The following ZNF721 variants were observed in gnomAD, a reference collection of about 807,000 sequenced individuals.
The protein encoded by ZNF721 is zinc finger protein 721.
ZNF721 carries 2 observed loss-of-function variants against 2.4 expected under a neutral mutation model. The ratio of observed to expected loss-of-function variants is 0.82; its 90% CI spans 0.34 to 2.58. The LOEUF is 2.58. Ranked by LOEUF, ZNF721 falls within the 30% of genes most tolerant of loss-of-function variation. The pLI is 0.11. For missense variants in ZNF721, 1,187 were observed against 1,085.5 expected (o/e 1.09, Z -1.31); for synonymous variants, 398 against 381.8 (o/e 1.04, Z -0.50).
In ZNF721 at chr4:462,109, T is replaced by C. The variant is rs559804249; in HGVS notation, c.34+10466A>G. ...AAATCACAACATTCCTATATACCAATAATAGACAAACAGAGAGCCAAATCA... is the reference window on the plus strand; with the variant it reads ...AAATCACAACATTCCTATATACCAACAATAGACAAACAGAGAGCCAAATCA... On this transcript the variant is annotated intron_variant, in intron 2 of 2. Transcript: ENST00000511833. Among the ~76,000 whole-genome samples the C allele has an allele frequency of 1.4e-4, 22 of 152,140 alleles. 1 individual carries two copies. The highest frequency in any genetic ancestry group is 5.1e-4 in the African/African-American group (21 of 41,492).
chr4:466,368 TC>T, intron 2 of ZNF721, among the ~76,000 whole-genome samples: 1 of 152,320 alleles, frequency 6.6e-6, no homozygotes, highest in East Asian at 1.9e-4. Flanking sequence ...ATTTAAGAAA[TC>T]AAACTCCCCA....
chr4:454,421 A>G (rs1449614806), intron 2 of ZNF721, among the ~76,000 whole-genome samples: 5 of 152,236 alleles, frequency 3.3e-5, no homozygotes, highest in Non-Finnish European at 5.9e-5. Context: ...GAATTTGCTC[A>G]GCTGTGTACT....
intron 2 of ZNF721, among the ~76,000 whole-genome samples, chr4:449,159 C>T (rs1296565818): frequency 1.3e-5 from 2 of 151,938 alleles, no homozygotes; most frequent in African/African-American, 4.8e-5. Flanking sequence ...TGCATAACAA[C>T]GTTAATATGA....
chr4:476,339 G>A (rs1715622804), intron 1 of ZNF721, among the ~76,000 whole-genome samples: 1 of 152,166 alleles, frequency 6.6e-6, no homozygotes, highest in South Asian at 2.1e-4. Flanking sequence ...CATATATTGG[G>A]TAGCCAGCAA....
chr4:458,562 C>A (rs73070381), intron 2 of ZNF721, among the ~76,000 whole-genome samples: 8,413 of 152,212 alleles, frequency 0.055, 345 homozygotes, highest in African/African-American at 0.12. Flanking sequence ...ACACACAGAT[C>A]TAAGCCAGGC....
rs964206128 is a variant in ZNF721, at chr4:440,130, T to C, written c.*1565A>G. The C allele has an allele frequency of 3.6e-4, 55 of 152,354 alleles. No homozygotes were observed. The highest frequency in any genetic ancestry group is 1.3e-3 in the African/African-American group (55 of 41,584). 9.4% of individuals were successfully genotyped at this position (152,354 alleles called of 1,614,324 possible). On this transcript the variant is annotated 3_prime_UTR_variant, in exon 3 of 3. Coordinates refer to ENST00000511833, the MANE Select transcript of ZNF721 (RefSeq NM_133474.4). Reference sequence around the variant, plus strand: ...ATTTACTACTAAAATTCAGATTCTCTCTCAGTATAACGCAAAGTATTACTC... The same window carrying C: ...ATTTACTACTAAAATTCAGATTCTCCCTCAGTATAACGCAAAGTATTACTC...
chr4:484,878 C>A (rs148999234), intron 1 of ZNF721, among the ~76,000 whole-genome samples: 1 of 152,184 alleles, frequency 6.6e-6, no homozygotes, highest in Non-Finnish European at 1.5e-5. Context: ...CACACCTATT[C>A]GCACACTCCC....
At chr4:450,953 AAAAAT>A (rs1714634485) in intron 2 of ZNF721, among the ~76,000 whole-genome samples, 2 of 33,584 alleles carry the variant, frequency 6.0e-5, no homozygotes, top group African/African-American at 3.9e-4. Flanking sequence ...AAAAAAAAAA[AAAAAT>A]ATATATATAT....
At chr4:464,246 G>T (rs1412673878) in intron 2 of ZNF721, among the ~76,000 whole-genome samples, 2 of 152,140 alleles carry the variant, frequency 1.3e-5, no homozygotes, top group Non-Finnish European at 2.9e-5. Flanking sequence ...CAAGGCGGGT[G>T]TATCACCTGA....
At chr4:493,490 C>A (rs1716075795) in intron 1 of ZNF721, among the ~76,000 whole-genome samples, 1 of 152,102 alleles carries the variant, frequency 6.6e-6, no homozygotes, top group African/African-American at 2.4e-5. Flanking sequence ...ACCAGCCTGG[C>A]CAACATGGCG....
At chr4:448,772 ACAAAC>A (rs1714559537) in intron 2 of ZNF721, among the ~76,000 whole-genome samples, 1 of 152,252 alleles carries the variant, frequency 6.6e-6, no homozygotes, top group East Asian at 1.9e-4. Flanking sequence ...TGCCAAAAAT[ACAAAC>A]TCACACACGG....
At chr4:493,244 T>C (rs1352601577) in intron 1 of ZNF721, among the ~76,000 whole-genome samples, 2 of 152,110 alleles carry the variant, frequency 1.3e-5, no homozygotes, top group African/African-American at 2.4e-5. Flanking sequence ...CCTTGTTCAT[T>C]CCTAGGCATA....
chr4:441,559 ATTATC>A lies in ZNF721; in HGVS notation c.*131_*135del, dbSNP rs1235750601. 6.9e-6 allele frequency: 5 copies of A among 725,446 alleles called. No homozygotes were observed. The highest frequency in any genetic ancestry group is 3.1e-5 in the Admixed American group (1 of 32,194). 44.9% of individuals were successfully genotyped at this position (725,446 alleles called of 1,614,324 possible). Reference sequence around the variant, plus strand: ...ATTTTAGAGTTTCTCTTCATTATGAATTATCTTATGATTAGAAAGGATTGAGGAGC... The same window carrying A: ...ATTTTAGAGTTTCTCTTCATTATGAATTATGATTAGAAAGGATTGAGGAGC... On this transcript the variant is annotated 3_prime_UTR_variant, in exon 3 of 3. Transcript: ENST00000511833.
At position 470,482 on chromosome 4, in the gene ZNF721, G is replaced by A. The variant is rs184644027; in HGVS notation, c.34+2093C>T. 7.2e-3 allele frequency among the ~76,000 whole-genome samples: 1,097 copies of A among 152,256 alleles called. 12 individuals are homozygous for A. Among genetic ancestry groups the A allele is most frequent in the Middle Eastern group, 0.071 (21 of 294 alleles). On this transcript the variant is annotated intron_variant, in intron 2 of 2. Coordinates refer to ENST00000511833, the MANE Select transcript of ZNF721 (RefSeq NM_133474.4). The stretch of plus-strand genomic sequence containing the variant: ...TAACAAGTTAATTTTGGGAGAACAA[G>A]GCGGGAGGATCACTTGAGGTCAGAA...
At chr4:450,953 AAAAATATATATATATATATAT>A (rs1223800587) in intron 2 of ZNF721, among the ~76,000 whole-genome samples, 4 of 33,606 alleles carry the variant, frequency 1.2e-4, no homozygotes, top group African/African-American at 7.8e-4. Context: ...AAAAAAAAAA[AAAAATATATATATATATATAT>A]ATATATATAT....
chr4:498,238 AAAG>A (rs1312631059), intron 1 of ZNF721, among the ~76,000 whole-genome samples: 4 of 144,750 alleles, frequency 2.8e-5, no homozygotes, highest in Admixed American at 6.8e-5. Context: ...AAAAAAAAAA[AAAG>A]AAGGACATTG....
chr4:454,523 T>A (rs1714784200), intron 2 of ZNF721, among the ~76,000 whole-genome samples: 1 of 152,190 alleles, frequency 6.6e-6, no homozygotes, highest in Non-Finnish European at 1.5e-5. Context: ...TATGTGTATA[T>A]CCCTGACAAT....
Position 443,080 on chromosome 4 carries a change from G to GT in ZNF721, c.1386dup (p.His463ThrfsTer2). On this transcript the variant is annotated frameshift_variant, in exon 3 of 3. Transcript: ENST00000511833. LOFTEE classifies it low-confidence loss of function (END_TRUNC). ...TTCTTTCCAGTATGAATTTTCTCAT[G>GT]TTTATTCAGGTGCAAGGAATGTATA... The GT allele has an allele frequency of 1.9e-6, 3 of 1,613,834 alleles. No homozygotes were observed. The highest frequency in any genetic ancestry group is 2.5e-6 in the Non-Finnish European group (3 of 1,179,830).
chr4:469,935 G>A lies in ZNF721; in HGVS notation c.34+2640C>T, dbSNP rs782161796. On this transcript the variant is annotated intron_variant, in intron 2 of 2. Transcript: ENST00000511833. ...CTCGTTCTGTTGCCCAGACTGGAGT[G>A]CAGTGGCGCCATCTCGGCTCACTGC... Among the ~76,000 whole-genome samples, 40 of 152,308 alleles carry A rather than the reference G, an allele frequency of 2.6e-4. No individual in the cohort carries two copies. In the Middle Eastern group the frequency reaches 0.01, roughly 39 times the overall value.
Sources: allele counts gnomAD v4.1 joint callset (sites outside exome capture counted in the v4.1 genomes callset), GRCh38; gene constraint gnomAD v4.1.1; transcripts MANE v1.5; gene names NCBI Gene and HGNC (gene_info 2026-07-23, HGNC 2026-07-21).